The following DSCAM variants were observed in gnomAD, a reference collection of about 807,000 sequenced individuals.
DSCAM encodes DS cell adhesion molecule.
DSCAM carries 47 observed loss-of-function variants against 217.7 expected under a neutral mutation model. That is an observed-to-expected ratio of 0.22 (90% CI 0.17 to 0.28). The LOEUF is 0.28. Among genes scored for constraint, DSCAM ranks in the 10% least tolerant of loss-of-function variants. The pLI is 1.00. For synonymous variants in DSCAM, 1,056 were observed against 1,015.3 expected (o/e 1.04, Z -0.76); for missense variants, 2,080 against 2,618.3 (o/e 0.79, Z 4.49).
intron 29 of DSCAM, among the ~76,000 whole-genome samples, chr21:40,052,552 G>A (rs974131249): frequency 3.3e-5 from 5 of 152,164 alleles, no homozygotes; most frequent in African/African-American, 9.7e-5. Context: ...CTAGAAAATC[G>A]CCACTACAGT....
At chr21:40,771,695 T>C (rs1179066322) in intron 1 of DSCAM, among the ~76,000 whole-genome samples, 1 of 152,204 alleles carries the variant, frequency 6.6e-6, no homozygotes, top group Non-Finnish European at 1.5e-5. Context: ...TGGGGAACCT[T>C]GAACAATTCC....
At chr21:40,352,123 T>C (rs1665188203) in intron 5 of DSCAM, among the ~76,000 whole-genome samples, 2 of 152,210 alleles carry the variant, frequency 1.3e-5, no homozygotes, top group African/African-American at 4.8e-5. Flanking sequence ...TCCCACATGC[T>C]TAGTGTTCCA....
At chr21:40,496,724 T>C (rs575312423) in intron 3 of DSCAM, among the ~76,000 whole-genome samples, 2 of 152,018 alleles carry the variant, frequency 1.3e-5, no homozygotes, top group Admixed American at 1.3e-4. Context: ...TAAGAGAATA[T>C]ATTTTCAAGC....
intron 19 of DSCAM, among the ~76,000 whole-genome samples, chr21:40,132,123 A>G (rs1235553137): frequency 6.6e-6 from 1 of 152,254 alleles, no homozygotes; most frequent in Non-Finnish European, 1.5e-5. Flanking sequence ...GCAATGTAAA[A>G]AGGAGTATTT....
At chr21:40,564,359 G>A (rs1259375333) in intron 3 of DSCAM, among the ~76,000 whole-genome samples, 2 of 152,218 alleles carry the variant, frequency 1.3e-5, no homozygotes, top group East Asian at 1.9e-4. Context: ...AGTTCTTCAC[G>A]GATGCCAGTA....
chr21:40,249,477 C>A (rs761657334), intron 11 of DSCAM, among the ~76,000 whole-genome samples: 2 of 152,124 alleles, frequency 1.3e-5, no homozygotes, highest in Non-Finnish European at 2.9e-5. Context: ...CCACGTGGAA[C>A]TATAAGTCCA....
intron 3 of DSCAM, among the ~76,000 whole-genome samples, chr21:40,585,247 A>C (rs1333723210): frequency 6.6e-6 from 1 of 150,774 alleles, no homozygotes; most frequent in Non-Finnish European, 1.5e-5. Context: ...ATGGACTAAC[A>C]CAAGCACAAA....
intron 11 of DSCAM, among the ~76,000 whole-genome samples, chr21:40,198,911 G>C (rs1457332629): frequency 6.6e-6 from 1 of 152,210 alleles, no homozygotes; most frequent in Non-Finnish European, 1.5e-5. Context: ...GACTGGACTG[G>C]TCTTGTACCG....
intron 1 of DSCAM, among the ~76,000 whole-genome samples, chr21:40,716,537 T>C (rs1414009040): frequency 6.6e-6 from 1 of 152,204 alleles, no homozygotes; most frequent in Non-Finnish European, 1.5e-5. Context: ...TGGAGAATTG[T>C]TTCTTCAGTT....
At chr21:40,452,687 C>T (rs2145931822) in intron 3 of DSCAM, among the ~76,000 whole-genome samples, 1 of 151,494 alleles carries the variant, frequency 6.6e-6, no homozygotes. Context: ...AGTTCCCTAC[C>T]AATAGAAAAA....
At position 40,407,746 on chromosome 21, in the gene DSCAM, C is replaced by T. The variant is rs376474957; in HGVS notation, c.509-38501G>A. 2.4e-4 allele frequency among the ~76,000 whole-genome samples: 36 copies of T among 152,328 alleles called. No homozygotes were observed. In the South Asian group the frequency reaches 7.3e-3, roughly 31 times the overall value. ...GGGAGGCCACTTTTGATTCTTCAGA[C>T]CCAGTCCAGGTGACAGCATGTGAAG... On this transcript the variant is annotated intron_variant, in intron 3 of 32. Coordinates refer to ENST00000400454, the MANE Select transcript of DSCAM (RefSeq NM_001389.5).
At chr21:40,353,340 T>C (rs1242741093) in intron 5 of DSCAM, 125 bp downstream of exon 5, 1 of 1,305,642 alleles carries the variant, frequency 7.7e-7, no homozygotes, top group Non-Finnish European at 1.0e-6. Context: ...GAGGTTTCTG[T>C]TGATCTCAGC....
At chr21:40,374,931 T>C (rs777915864) in intron 3 of DSCAM, among the ~76,000 whole-genome samples, 8 of 152,192 alleles carry the variant, frequency 5.3e-5, no homozygotes, top group Non-Finnish European at 8.8e-5. Context: ...TATTTTGTGA[T>C]AGTAGCCCAA....
At chr21:40,150,636 T>C (rs1305951363) in intron 16 of DSCAM, among the ~76,000 whole-genome samples, 5 of 152,214 alleles carry the variant, frequency 3.3e-5, no homozygotes, top group Admixed American at 2.6e-4. Context: ...GTGTGCTTAG[T>C]GGAGACACGT....
In DSCAM at chr21:40,187,177, T is replaced by C. The variant is rs1011466164; in HGVS notation, c.2733A>G (p.Gly911=). 5.6e-6 allele frequency: 9 copies of C among 1,614,172 alleles called. No individual in the cohort carries two copies. The highest frequency in any genetic ancestry group is 6.8e-6 in the Non-Finnish European group (8 of 1,179,996). The change falls in exon 14 of 33, where the codon GGA becomes GGG. Residue 911 remains glycine (G), a synonymous_variant. Coordinates refer to ENST00000400454, the MANE Select transcript of DSCAM (RefSeq NM_001389.5). ...ITLRWTMGFD[G]NSPITGYDIE... is the part of the protein sequence containing the mutation. Reference sequence around the variant, plus strand: ...TATCGTAGCCTGTGATGGGACTGTTTCCATCAAACCCCATGGTCCACCTGA... The same window carrying C: ...TATCGTAGCCTGTGATGGGACTGTTCCCATCAAACCCCATGGTCCACCTGA...
At chr21:40,384,046 GGCCTGCCCTCTGCTTGGAGATCACA>G (rs1263191106) in intron 3 of DSCAM, 1 of 152,296 alleles carries the variant, frequency 6.6e-6, no homozygotes, top group Non-Finnish European at 1.5e-5. Context: ...ACACGCAGTT[GGCCTGCCCTCTGCTTGGAGATCACA>G]GCCAAGGAAA....
intron 11 of DSCAM, among the ~76,000 whole-genome samples, chr21:40,228,187 C>T (rs2091350359): frequency 1.3e-5 from 2 of 152,228 alleles, no homozygotes; most frequent in East Asian, 1.9e-4. Flanking sequence ...TTATCAGTGT[C>T]GCTGTTGACC....
At chr21:40,365,630 C>T (rs1443961150) in intron 4 of DSCAM, among the ~76,000 whole-genome samples, 1 of 152,094 alleles carries the variant, frequency 6.6e-6, no homozygotes, top group Non-Finnish European at 1.5e-5. Context: ...CCAATTTTTA[C>T]CTTCTAGACA....
intron 1 of DSCAM, among the ~76,000 whole-genome samples, chr21:40,740,465 T>C (rs2091113298): frequency 6.6e-6 from 1 of 152,186 alleles, no homozygotes. Context: ...TTAGAGCCAT[T>C]GGGAATAAAA....
Sources: gnomAD v4.1 joint callset for allele counts (sites outside exome capture counted in the v4.1 genomes callset) on GRCh38, gnomAD v4.1.1 for gene constraint, MANE v1.5 for transcripts, NCBI Gene and HGNC (gene_info 2026-07-23, HGNC 2026-07-21) for gene names.